UBE2R2: variants seen among roughly 807,000 people sequenced by gnomAD.
UBE2R2 encodes ubiquitin-conjugating enzyme E2 R2.
In UBE2R2, 1 loss-of-function variant was observed where a neutral mutation model predicts 27.8. That is an observed-to-expected ratio of 0.04 (90% confidence interval 0.01 to 0.17). The LOEUF (loss-of-function observed/expected upper bound fraction) is 0.17, where lower values mean the gene tolerates loss of function less well. Ranked by LOEUF, UBE2R2 falls within the 10% of genes least tolerant of loss-of-function variation. The pLI, the probability that UBE2R2 is intolerant of heterozygous loss-of-function variation, is 1.00. For synonymous variants in UBE2R2, 106 were observed against 113.3 expected, an observed-to-expected ratio of 0.94 and a Z score of 0.41; for missense variants, 100 against 291.0, an observed-to-expected ratio of 0.34 and a Z score of 4.78.
intron 1 of UBE2R2, among the ~76,000 whole-genome samples, chr9:33,882,567 G>A (rs1202380497): frequency 5.9e-5 from 9 of 152,190 alleles, no homozygotes; most frequent in African/African-American, 2.2e-4. Context: ...ACAGGCGTGA[G>A]CCACCATACC....
chr9:33,893,111 A>G (rs573873635), intron 2 of UBE2R2, among the ~76,000 whole-genome samples: 4 of 152,164 alleles, frequency 2.6e-5, no homozygotes, highest in Non-Finnish European at 4.4e-5. Context: ...AATCAATTCA[A>G]TAACATTTAG....
At chr9:33,902,007 G>A (rs894865359) in intron 3 of UBE2R2, among the ~76,000 whole-genome samples, 11 of 150,316 alleles carry the variant, frequency 7.3e-5, no homozygotes, top group African/African-American at 2.5e-4. Context: ...TCAACCTCCC[G>A]GGCTTGAGCA....
At chr9:33,892,588 A>G (rs1378524787) in intron 2 of UBE2R2, among the ~76,000 whole-genome samples, 1 of 152,168 alleles carries the variant, frequency 6.6e-6, no homozygotes, top group Non-Finnish European at 1.5e-5. Context: ...AGAATATATT[A>G]GTATTTAGGC....
rs1822681710 is a variant in UBE2R2 at position 33,917,636 on chromosome 9, G to A, written c.*399G>A. 3.0e-6 allele frequency: 1 copy of A among 335,302 alleles called. No individual in the cohort carries two copies. The highest frequency in any genetic ancestry group is 4.7e-5 in the East Asian group (1 of 21,088). The allele number at this position is 335,302 out of a possible 1,614,324, so 20.8% of individuals were successfully genotyped here. A position where few individuals can be genotyped will look rare whatever the true frequency, so the allele number is the denominator to read the frequency against. ...GTGTTTAAAGCTGGGAACCTGTTGGGAGTTCACAAGTGCTGCATATACTGG... is the reference window on the plus strand; with the variant it reads ...GTGTTTAAAGCTGGGAACCTGTTGGAAGTTCACAAGTGCTGCATATACTGG... On this transcript the variant is annotated 3_prime_UTR_variant, in exon 5 of 5. Transcript: ENST00000263228.
chr9:33,866,436 A>G (rs150158709), intron 1 of UBE2R2, among the ~76,000 whole-genome samples: 1 of 151,894 alleles, frequency 6.6e-6, no homozygotes, highest in African/African-American at 2.4e-5. Context: ...ACGGAGTTTC[A>G]CCTTGTTGGT....
At chr9:33,904,987 G>T (rs1004774753) in intron 3 of UBE2R2, among the ~76,000 whole-genome samples, 1 of 152,140 alleles carries the variant, frequency 6.6e-6, no homozygotes, top group African/African-American at 2.4e-5. Flanking sequence ...TGTCTAGAAT[G>T]ATGTGGGAGC....
At position 33,852,858 on chromosome 9, in the gene UBE2R2, A is replaced by G. The variant is rs138695646; in HGVS notation, c.178-34023A>G. The stretch of plus-strand genomic sequence containing the variant: ...CCCTGTCTCTACTAAAAGTACAAGA[A>G]TTAGCTGAATACAGTGGCGCACACC... On this transcript the variant is annotated intron_variant, in intron 1 of 4. Coordinates refer to ENST00000263228, the MANE Select transcript of UBE2R2 (RefSeq NM_017811.4). 2.6e-5 allele frequency among the ~76,000 whole-genome samples: 4 copies of G among 152,250 alleles called. No homozygotes were observed. The East Asian group carries it at 5.8e-4, about 22-fold the overall frequency.
At chr9:33,883,773 A>G (rs902465776) in intron 1 of UBE2R2, among the ~76,000 whole-genome samples, 2 of 151,932 alleles carry the variant, frequency 1.3e-5, no homozygotes, top group Admixed American at 1.3e-4. Flanking sequence ...CCTATCTTCA[A>G]ATTCACTATT....
chr9:33,835,210 T>C (rs1034310558), intron 1 of UBE2R2, among the ~76,000 whole-genome samples: 1 of 144,614 alleles, frequency 6.9e-6, no homozygotes, highest in Non-Finnish European at 1.5e-5. Flanking sequence ...TTTAATGGCA[T>C]GATCTTGGCT....
intron 1 of UBE2R2, among the ~76,000 whole-genome samples, chr9:33,847,956 T>C (rs571998553): frequency 6.6e-6 from 1 of 151,990 alleles, no homozygotes; most frequent in African/African-American, 2.4e-5. Flanking sequence ...GGTTTCACCA[T>C]GTTGGTCAGG....
intron 1 of UBE2R2, among the ~76,000 whole-genome samples, chr9:33,873,381 A>G (rs957447930): frequency 2.0e-5 from 3 of 152,106 alleles, no homozygotes; most frequent in African/African-American, 4.8e-5. Context: ...ATAATGAACT[A>G]TTACTAAGTT....
intron 1 of UBE2R2, among the ~76,000 whole-genome samples, chr9:33,829,198 G>T (rs1333193874): frequency 1.3e-5 from 2 of 152,000 alleles, no homozygotes; most frequent in South Asian, 4.2e-4. Context: ...GGAAAAAAAT[G>T]GATCTTTAAA....
intron 1 of UBE2R2, among the ~76,000 whole-genome samples, chr9:33,882,167 C>T (rs1455365104): frequency 6.7e-6 from 1 of 149,984 alleles, no homozygotes; most frequent in Non-Finnish European, 1.5e-5. Flanking sequence ...TTCTTTAGCA[C>T]TTACTTTTTG....
chr9:33,884,155 C>T (rs188722050), intron 1 of UBE2R2, among the ~76,000 whole-genome samples: 1 of 143,380 alleles, frequency 7.0e-6, no homozygotes, highest in East Asian at 2.4e-4. Context: ...GAGCAAGACC[C>T]TGTCTCAAAG....
At chr9:33,905,119 G>A (rs976955545) in intron 3 of UBE2R2, among the ~76,000 whole-genome samples, 2 of 152,142 alleles carry the variant, frequency 1.3e-5, no homozygotes, top group East Asian at 3.8e-4. Context: ...GCTCTGGGAT[G>A]GTGAAGTGGT....
At chr9:33,888,768 T>TG (rs2130798053) in intron 2 of UBE2R2, among the ~76,000 whole-genome samples, 2 of 152,286 alleles carry the variant, frequency 1.3e-5, no homozygotes, top group African/African-American at 4.8e-5. Flanking sequence ...CCACCTGCCT[T>TG]GGCCTCCCAA....
chr9:33,888,910 G>T (rs1020062156), intron 2 of UBE2R2, among the ~76,000 whole-genome samples: 5 of 152,182 alleles, frequency 3.3e-5, no homozygotes, highest in Admixed American at 6.5e-5. Flanking sequence ...TGGGGCAGCT[G>T]TGTCATTTTC....
intron 1 of UBE2R2, among the ~76,000 whole-genome samples, chr9:33,848,463 G>A (rs1820892824): frequency 6.6e-6 from 1 of 152,144 alleles, no homozygotes; most frequent in Non-Finnish European, 1.5e-5. Context: ...ATGTGGGGCT[G>A]TTCACCTCAA....
In UBE2R2 at chr9:33,817,402, T is replaced by G. The variant is rs1587417403; in HGVS notation, c.-356T>G. Reference sequence around the variant, plus strand: ...CCCCTCCCTTCACCATCGCCGGCCCTCCGCCGCCTTCCTCCGCTTCCACCT... The same window carrying G: ...CCCCTCCCTTCACCATCGCCGGCCCGCCGCCGCCTTCCTCCGCTTCCACCT... On this transcript the variant is annotated 5_prime_UTR_variant, in exon 1 of 5. Coordinates refer to ENST00000263228, the MANE Select transcript of UBE2R2 (RefSeq NM_017811.4). 1.4e-5 allele frequency among the ~76,000 whole-genome samples: 2 copies of G among 140,994 alleles called. No homozygotes were observed. Among genetic ancestry groups the G allele is most frequent in the South Asian group, 4.8e-4 (2 of 4,208 alleles). The allele number at this position is 140,994 out of a possible 152,430, so 92.5% of individuals were successfully genotyped here. A position where few individuals can be genotyped will look rare whatever the true frequency, so the allele number is the denominator to read the frequency against.
Sources: gnomAD v4.1 joint callset for allele counts (sites outside exome capture counted in the v4.1 genomes callset) on GRCh38, gnomAD v4.1.1 for gene constraint, MANE v1.5 for transcripts, NCBI Gene and HGNC (gene_info 2026-07-23, HGNC 2026-07-21) for gene names.